The following GUCY2C variants were observed in gnomAD, a reference collection of about 807,000 sequenced individuals.
The protein encoded by GUCY2C is guanylate cyclase 2C.
GUCY2C carries 118 observed loss-of-function variants against 131.1 expected under a neutral mutation model. The observed-to-expected ratio is 0.90, with a 90% CI of 0.78 to 1.05. The LOEUF (loss-of-function observed/expected upper bound fraction) is 1.05, where lower values mean the gene tolerates loss of function less well. Among genes scored for constraint, GUCY2C ranks in the 50% least tolerant of loss-of-function variants. The pLI, the probability that GUCY2C is intolerant of heterozygous loss-of-function variation, is 0.00. For synonymous variants in GUCY2C, 452 were observed against 457.8 expected (o/e 0.99, Z 0.16); for missense variants, 1,161 against 1,304.4 (o/e 0.89, Z 1.69).
At chr12:14,636,002 A>C (rs1947261645) in intron 19 of GUCY2C, among the ~76,000 whole-genome samples, 1 of 152,202 alleles carries the variant, frequency 6.6e-6, no homozygotes, top group Non-Finnish European at 1.5e-5. Flanking sequence ...GAACTGGATG[A>C]CTTTACTGCT....
At chr12:14,673,009 A>G in intron 8 of GUCY2C, 51 bp from the exon 9 acceptor site, 1 of 1,034,648 alleles carries the variant, frequency 9.7e-7, no homozygotes, top group Non-Finnish European at 1.5e-6. Flanking sequence ...TTTGCCTGAC[A>G]GATAAGTTGG....
Position 14,645,591 on chromosome 12 carries a change from C to T in GUCY2C, c.1711-276G>A, listed in dbSNP as rs1362947. ...CAGGTGTAGAGGAATAAGCAGCAGG[C>T]GGGGAGACTGCTTAACAAGTGACTG... On this transcript the variant is annotated intron_variant, in intron 15 of 26. Coordinates refer to ENST00000261170, the MANE Select transcript of GUCY2C (RefSeq NM_004963.4). 0.84 allele frequency among the ~76,000 whole-genome samples: 128,152 copies of T among 152,194 alleles called. 57,822 individuals carry two copies. The highest frequency in any genetic ancestry group is 0.99 in the East Asian group (5,122 of 5,180).
At position 14,672,869 on chromosome 12, in the gene GUCY2C, A is replaced by G. The variant is rs752009818; in HGVS notation, c.1170+4T>C. On this transcript the variant is annotated splice_donor_region_variant and intron_variant, in intron 9 of 26. Transcript: ENST00000261170. ...TGAATTTTCTGATAAGCAGTGAGAC[A>G]TACTTTCTTGGTGTCCACAGAGGTA... 1.2e-5 allele frequency: 19 copies of G among 1,557,384 alleles called. 1 individual carries two copies. In the South Asian group the frequency reaches 2.1e-4, roughly 17 times the overall value.
chr12:14,665,475 G>A (rs1592127601), intron 10 of GUCY2C, among the ~76,000 whole-genome samples: 2 of 152,358 alleles, frequency 1.3e-5, no homozygotes, highest in South Asian at 4.1e-4. Flanking sequence ...AACTTGGACT[G>A]TATTCTGTAG....
chr12:14,654,835 T>A (rs532447799), intron 12 of GUCY2C, among the ~76,000 whole-genome samples: 4 of 152,272 alleles, frequency 2.6e-5, no homozygotes, highest in African/African-American at 9.6e-5. Context: ...AAGTCCCCTC[T>A]CCTCTTCCTA....
intron 21 of GUCY2C, among the ~76,000 whole-genome samples, chr12:14,625,520 A>T (rs543765217): frequency 2.6e-5 from 4 of 151,954 alleles, no homozygotes; most frequent in Non-Finnish European, 4.4e-5. Context: ...TTTTTAGTAG[A>T]GGTGGGGTTT....
At chr12:14,682,997 T>C in intron 4 of GUCY2C, 45 bp downstream of exon 4, 1 of 1,348,682 alleles carries the variant, frequency 7.4e-7, no homozygotes, top group South Asian at 1.2e-5. Context: ...TCCTATGGCT[T>C]CTCTCCATGG....
At chr12:14,632,740 C>T (rs1412389491) in intron 19 of GUCY2C, among the ~76,000 whole-genome samples, 1 of 152,190 alleles carries the variant, frequency 6.6e-6, no homozygotes, top group Non-Finnish European at 1.5e-5. Context: ...AGACAGGTCT[C>T]AGGACAGGTC....
At chr12:14,677,590 GAC>G (rs1250926019) in intron 6 of GUCY2C, among the ~76,000 whole-genome samples, 4 of 151,706 alleles carry the variant, frequency 2.6e-5, no homozygotes, top group African/African-American at 7.3e-5. Context: ...TTTATTTTTA[GAC>G]AGAGTTTCAC....
intron 23 of GUCY2C, among the ~76,000 whole-genome samples, chr12:14,620,274 C>T (rs1456754855): frequency 6.6e-6 from 1 of 152,200 alleles, no homozygotes; most frequent in East Asian, 1.9e-4. Context: ...CAGCCAATCG[C>T]AGTAGCTGAG....
intron 18 of GUCY2C, among the ~76,000 whole-genome samples, chr12:14,640,857 C>T (rs990091636): frequency 6.6e-6 from 1 of 152,210 alleles, no homozygotes; most frequent in African/African-American, 2.4e-5. Flanking sequence ...AACAATGATA[C>T]TGACAATAAT....
chr12:14,619,596 T>A (rs1946852176), intron 23 of GUCY2C: 1 of 338,806 alleles, frequency 3.0e-6, no homozygotes, highest in Admixed American at 4.6e-5. Context: ...TGATTTTAAA[T>A]AGAAGGCTCT....
At chr12:14,641,010 T>C in intron 18 of GUCY2C, 72 bp downstream of exon 18, 1 of 1,372,020 alleles carries the variant, frequency 7.3e-7, no homozygotes, top group Non-Finnish European at 1.0e-6. Flanking sequence ...ACAGACAGAT[T>C]AGGGTCTCAG....
chr12:14,616,497 C>G (rs1394562597), intron 25 of GUCY2C, 136 bp downstream of exon 25: 25 of 650,888 alleles, frequency 3.8e-5, no homozygotes, highest in Non-Finnish European at 6.4e-5. Context: ...ATTTCTCTTG[C>G]AGAGGATGGA....
chr12:14,631,977 G>A (rs1272627444), intron 19 of GUCY2C, among the ~76,000 whole-genome samples: 1 of 151,136 alleles, frequency 6.6e-6, no homozygotes, highest in Non-Finnish European at 1.5e-5. Flanking sequence ...TTCTCTGATG[G>A]CCAGTGATGG....
intron 10 of GUCY2C, among the ~76,000 whole-genome samples, chr12:14,664,660 TCA>T (rs1420398413): frequency 3.3e-5 from 5 of 152,292 alleles, no homozygotes; most frequent in Non-Finnish European, 7.4e-5. Context: ...TTAACTCATC[TCA>T]CAATGAATGA....
At chr12:14,674,597 G>C in intron 8 of GUCY2C, 28 bp downstream of exon 8, 1 of 1,608,544 alleles carries the variant, frequency 6.2e-7, no homozygotes, top group Non-Finnish European at 8.5e-7. Flanking sequence ...CTTCACCTTG[G>C]GGTTATTTGC....
At position 14,652,003 on chromosome 12, in the gene GUCY2C, T is replaced by C. The variant is rs1947669065; in HGVS notation, c.1561A>G (p.Asn521Asp). Residue 521 changes from asparagine to aspartate, a missense_variant, in exon 14 of 27, where the codon AAT becomes GAT. By Grantham distance (23) the Asn-to-Asp change is conservative (BLOSUM62 1). Transcript: ENST00000261170. ...TGTTTTTCAGTGAAATTACCATCAT[T>C]GTGCTTGAGATCTTTGAGAATCACT... ...KRVILKDLKH[N>D]DGNFTEKQKI... 5 of 1,603,534 alleles carry C rather than the reference T, an allele frequency of 3.1e-6. No individual in the cohort carries two copies. The highest frequency in any genetic ancestry group is 2.6e-6 in the Non-Finnish European group (3 of 1,170,716).
chr12:14,654,316 G>A (rs561112208), intron 12 of GUCY2C, among the ~76,000 whole-genome samples: 10 of 152,214 alleles, frequency 6.6e-5, no homozygotes, highest in African/African-American at 1.9e-4. Context: ...ACCACTACCT[G>A]TCTGGTTGTA....
Sources: allele counts gnomAD v4.1 joint callset (sites outside exome capture counted in the v4.1 genomes callset), GRCh38; gene constraint gnomAD v4.1.1; transcripts MANE v1.5; gene names NCBI Gene and HGNC (gene_info 2026-07-23, HGNC 2026-07-21).